The following MACF1 variants were observed in gnomAD, a reference collection of about 807,000 sequenced individuals.
MACF1 encodes microtubule-actin cross-linking factor 1.
In MACF1, 193 loss-of-function variants were observed where a neutral mutation model predicts 854.8. That is an observed-to-expected ratio of 0.23 (90% CI 0.20 to 0.25). The LOEUF is 0.25. Ranked by LOEUF, MACF1 falls within the 10% of genes least tolerant of loss-of-function variation. MACF1 has a pLI of 1.00. For synonymous variants in MACF1, 3,185 were observed against 3,226.7 expected, an observed-to-expected ratio of 0.99 and a Z score of 0.44; for missense variants, 7,722 against 8,929.1, an observed-to-expected ratio of 0.86 and a Z score of 5.45.
intron 2 of MACF1, among the ~76,000 whole-genome samples, chr1:39,232,139 A>T (rs934956619): frequency 6.7e-6 from 1 of 148,410 alleles, no homozygotes; most frequent in Non-Finnish European, 1.5e-5. Flanking sequence ...TAATAATAAT[A>T]TATTATTATG....
intron 11 of MACF1, 87 bp downstream of exon 11, chr1:39,284,515 T>C (rs904155510): frequency 8.8e-6 from 7 of 799,864 alleles, no homozygotes; most frequent in African/African-American, 8.7e-5. Context: ...TGTATTCTTT[T>C]CCCAAACTGC....
At chr1:39,368,032 T>C in intron 49 of MACF1, 116 bp from the exon 50 acceptor site, 2 of 677,896 alleles carry the variant, frequency 3.0e-6, no homozygotes, top group South Asian at 5.6e-5. Context: ...CTGAGTTGCA[T>C]ATTTATTGTT....
Position 39,333,898 on chromosome 1 carries a change from C to T in MACF1, c.7310C>T (p.Pro2437Leu), listed in dbSNP as rs140510054. 322 of 1,613,960 alleles carry T rather than the reference C, an allele frequency of 2.0e-4. No individual in the cohort carries two copies. Among genetic ancestry groups the T allele is most frequent in the Non-Finnish European group, 2.6e-4 (306 of 1,180,024 alleles). Residue 2437 changes from proline to leucine, a missense_variant, in exon 37 of 101, where the codon CCA (proline) becomes CTA (leucine). Pro to Leu is a moderately conservative substitution (Grantham distance 98, BLOSUM62 -3). This residue lies in a region of MACF1 where 1,531 missense variants were observed against 1,601.6 expected (regional missense o/e 0.96). Transcript: ENST00000564288. ...GGCTTGGTGGACGTTGCTGACCAGC[C>T]AGAACTTATAAATCTGGAGAAAGCT... is the stretch of plus-strand genomic sequence containing the variant. ...TLGLVDVADQ[P>L]ELINLEKASK...
intron 16 of MACF1, 66 bp from the exon 17 acceptor site, chr1:39,292,700 C>A: frequency 8.8e-7 from 1 of 1,141,938 alleles, no homozygotes; most frequent in South Asian, 1.4e-5. Context: ...TGCATAGTTG[C>A]AACCATAACA....
At chr1:39,474,246 G>A (rs549014441) in intron 97 of MACF1, among the ~76,000 whole-genome samples, 10 of 151,956 alleles carry the variant, frequency 6.6e-5, no homozygotes, top group Admixed American at 2.0e-4. Flanking sequence ...AAAATTAGCC[G>A]GGCATGGTGG....
chr1:39,212,890 T>G (rs1644533046), intron 1 of MACF1, among the ~76,000 whole-genome samples: 1 of 152,248 alleles, frequency 6.6e-6, no homozygotes, highest in Admixed American at 6.5e-5. Flanking sequence ...CTCCCAAAAG[T>G]GCTGGCATTA....
chr1:39,295,767 T>C lies in MACF1; in HGVS notation c.2260-20T>C, dbSNP rs753589497. ...TCTGTTAAACTCAAGCCCTTCTGTC[T>C]GTGTGCTTGTTTATTGCAGGCTTAC... On this transcript the variant is annotated intron_variant, in intron 19 of 100. Transcript: ENST00000564288. The C allele has an allele frequency of 2.5e-6, 4 of 1,586,782 alleles. No homozygotes were observed. In the South Asian group the frequency reaches 3.3e-5, roughly 13 times the overall value.
intron 97 of MACF1, among the ~76,000 whole-genome samples, chr1:39,476,427 A>C (rs1644883777): frequency 6.6e-6 from 1 of 152,062 alleles, no homozygotes; most frequent in Non-Finnish European, 1.5e-5. Context: ...AAAATTAGCC[A>C]AGCGTGGTGG....
intron 4 of MACF1, 108 bp from the exon 5 acceptor site, chr1:39,254,190 T>G (rs1645073143): frequency 1.1e-6 from 1 of 905,544 alleles, no homozygotes; most frequent in African/African-American, 1.6e-5. Context: ...TGGCTTCTAC[T>G]GTAAGGAATT....
At position 39,452,212 on chromosome 1, in the gene MACF1, A is replaced by G. The variant is rs962175690; in HGVS notation, c.20475A>G (p.Ser6825=). ...GAACCGTTCAGGTCCTGAAGCGGTC[A>G]GGCCGAGAGCTGATTGAGAATAGTC... ...RTGTVQVLKR[S]GRELIENSRD... is the part of the protein sequence containing the mutation. The change falls in exon 86 of 101, where the codon TCA becomes TCG. Residue 6825 remains serine (S), a synonymous_variant. Coordinates refer to ENST00000564288, the MANE Select transcript of MACF1 (RefSeq NM_001394062.1). The G allele has an allele frequency of 6.2e-7, 1 of 1,613,744 alleles. No homozygotes were observed. Among genetic ancestry groups the G allele is most frequent in the Admixed American group, 1.7e-5 (1 of 59,984 alleles).
chr1:39,119,347 A>G (rs556911588), intron 2 of MACF1, among the ~76,000 whole-genome samples: 1 of 151,986 alleles, frequency 6.6e-6, no homozygotes, highest in African/African-American at 2.4e-5. Flanking sequence ...AACAACCAGA[A>G]AAACAAACAA....
At chr1:39,387,059 C>A in intron 57 of MACF1, 128 bp from the exon 58 acceptor site, 1 of 946,646 alleles carries the variant, frequency 1.1e-6, no homozygotes, top group African/African-American at 1.6e-5. Context: ...TAATTATATG[C>A]CTCTTTTTGG....
chr1:39,233,627 T>G (rs956293433), intron 2 of MACF1, among the ~76,000 whole-genome samples: 3 of 152,068 alleles, frequency 2.0e-5, no homozygotes, highest in Non-Finnish European at 2.9e-5. Context: ...GCCACTTGTT[T>G]AGTGGGTACT....
chr1:39,268,607 G>T, intron 6 of MACF1: 1 of 1,191,556 alleles, frequency 8.4e-7, no homozygotes, highest in South Asian at 1.6e-5. Flanking sequence ...TTTTAAATGT[G>T]CATCGAATCC....
intron 23 of MACF1, among the ~76,000 whole-genome samples, chr1:39,303,363 C>G (rs1646090186): frequency 1.3e-5 from 2 of 152,114 alleles, no homozygotes; most frequent in African/African-American, 2.4e-5. Context: ...CCAGCCTGGT[C>G]AACATGGTAA....
At chr1:39,441,192 T>C (rs1027795077) in intron 73 of MACF1, 32 bp from the exon 74 acceptor site, 1 of 1,613,922 alleles carries the variant, frequency 6.2e-7, no homozygotes. Flanking sequence ...GTGGTATTGA[T>C]TGAAGAATCT....
chr1:39,209,050 G>A (rs1300493858), intron 1 of MACF1, among the ~76,000 whole-genome samples: 2 of 149,258 alleles, frequency 1.3e-5, no homozygotes, highest in Non-Finnish European at 1.5e-5. Context: ...TCAGGAGTTC[G>A]AGACCAGCCT....
chr1:39,357,833 A>C lies in MACF1; in HGVS notation c.11883A>C (p.Gly3961=), dbSNP rs1167547643. 2 of 1,614,154 alleles carry C rather than the reference A, an allele frequency of 1.2e-6. No homozygotes were observed. The highest frequency in any genetic ancestry group is 1.7e-6 in the Non-Finnish European group (2 of 1,180,026). ...FKEGKEPSEI[G]NLVKDKLKDA... ...AAGGCAAAGAACCATCAGAAATTGG[A>C]AACTTAGTAAAGGACAAGTTGAAGG... Residue 3961 remains glycine (G), a synonymous_variant, in exon 45 of 101, where the codon GGA becomes GGC. Coordinates refer to ENST00000564288, the MANE Select transcript of MACF1 (RefSeq NM_001394062.1).
chr1:39,392,929 C>T (rs1464462831), intron 58 of MACF1, among the ~76,000 whole-genome samples: 1 of 151,894 alleles, frequency 6.6e-6, no homozygotes, highest in Non-Finnish European at 1.5e-5. Flanking sequence ...GTTCAGCTCT[C>T]TGTTGGAAGT....
Sources: gnomAD v4.1 joint callset for allele counts (sites outside exome capture counted in the v4.1 genomes callset) on GRCh38, gnomAD v4.1.1 for gene constraint, gnomAD v4.1.1 regional missense constraint, MANE v1.5 for transcripts, NCBI Gene and HGNC (gene_info 2026-07-23, HGNC 2026-07-21) for gene names.